The following BACH2 variants were observed in gnomAD, a reference collection of about 807,000 sequenced individuals.
BACH2 encodes the protein BACH transcriptional regulator 2, also known as transcription regulator protein BACH2.
Under a neutral mutation model 61.8 loss-of-function variants are expected in BACH2, and 5 were observed. That is an observed-to-expected ratio of 0.08 (90% CI 0.04 to 0.17). The LOEUF (loss-of-function observed/expected upper bound fraction) is 0.17, where lower values mean the gene tolerates loss of function less well. Ranked by LOEUF, BACH2 falls within the 10% of genes least tolerant of loss-of-function variation. The probability of loss-of-function intolerance (pLI) is 1.00; values close to 1 mark genes in which losing one functional copy is unlikely to be tolerated. For missense variants in BACH2, 824 were observed against 1,091.1 expected (o/e 0.76, Z 3.45); for synonymous variants, 446 against 440.1 (o/e 1.01, Z -0.17).
At chr6:89,998,516 GTGT>G (rs1194274897) in intron 6 of BACH2, among the ~76,000 whole-genome samples, 3 of 152,008 alleles carry the variant, frequency 2.0e-5, no homozygotes. Context: ...GAAACCAAAA[GTGT>G]TATTATTTAA....
chr6:90,022,301 C>T (rs1314607169), intron 5 of BACH2, among the ~76,000 whole-genome samples: 5 of 152,078 alleles, frequency 3.3e-5, no homozygotes, highest in African/African-American at 7.2e-5. Flanking sequence ...TAATCGACAT[C>T]GGTCAGGCGC....
At chr6:90,270,737 C>T (rs774626832) in intron 2 of BACH2, among the ~76,000 whole-genome samples, 13 of 152,040 alleles carry the variant, frequency 8.6e-5, no homozygotes, top group Non-Finnish European at 8.8e-5. Flanking sequence ...TCCTAAAATT[C>T]ACAAGGAACC....
intron 3 of BACH2, among the ~76,000 whole-genome samples, chr6:90,240,332 C>T (rs1360829172): frequency 6.6e-6 from 1 of 152,098 alleles, no homozygotes; most frequent in Non-Finnish European, 1.5e-5. Context: ...ATTCTAACAT[C>T]AGTGAAGAAT....
At chr6:89,972,860 G>C (rs1372645746) in intron 6 of BACH2, among the ~76,000 whole-genome samples, 2 of 152,212 alleles carry the variant, frequency 1.3e-5, no homozygotes, top group Non-Finnish European at 2.9e-5. Context: ...GCAGGGTGAG[G>C]TGGGCAGATC....
intron 5 of BACH2, among the ~76,000 whole-genome samples, chr6:90,025,884 G>A (rs1188801039): frequency 6.6e-6 from 1 of 152,156 alleles, no homozygotes; most frequent in Admixed American, 6.5e-5. Flanking sequence ...TGCAAAGTGC[G>A]CCATAAAGCA....
At chr6:90,152,463 T>C (rs146306351) in intron 4 of BACH2, among the ~76,000 whole-genome samples, 30 of 152,354 alleles carry the variant, frequency 2.0e-4, no homozygotes, top group African/African-American at 6.5e-4. Flanking sequence ...ATCAGACTAT[T>C]TTTCAGCCCC....
At chr6:90,103,498 G>A (rs1429217366) in intron 4 of BACH2, among the ~76,000 whole-genome samples, 2 of 152,188 alleles carry the variant, frequency 1.3e-5, no homozygotes, top group Non-Finnish European at 2.9e-5. Context: ...GGATTTGTGT[G>A]TAAATGAAGA....
chr6:90,296,191 A>G (rs1198511244), intron 1 of BACH2, among the ~76,000 whole-genome samples: 4 of 151,816 alleles, frequency 2.6e-5, no homozygotes, highest in Admixed American at 6.6e-5. Flanking sequence ...ACACCCTTCG[A>G]CGCCAGCAAA....
chr6:89,963,090 G>A lies in BACH2; in HGVS notation c.244-11228C>T, dbSNP rs571420652. 4.6e-5 allele frequency among the ~76,000 whole-genome samples: 7 copies of A among 152,238 alleles called. No individual in the cohort carries two copies. The South Asian group carries it at 1.0e-3, about 23-fold the overall frequency. On this transcript the variant is annotated intron_variant, in intron 6 of 8. Transcript: ENST00000257749. ...AAGTAGGCAAAGGACTTGAATAGAC[G>A]TTTCTCCAAAGACATACAAATAGCC...
chr6:90,138,834 A>C (rs1177624422), intron 4 of BACH2, among the ~76,000 whole-genome samples: 2 of 152,206 alleles, frequency 1.3e-5, no homozygotes, highest in Admixed American at 1.3e-4. Context: ...TAGTAAACTC[A>C]ATACCAAGAC....
At chr6:90,031,094 T>A (rs1469797990) in intron 5 of BACH2, among the ~76,000 whole-genome samples, 1 of 151,364 alleles carries the variant, frequency 6.6e-6, no homozygotes, top group South Asian at 2.1e-4. Flanking sequence ...ACAGAACCAA[T>A]GACAAAAACC....
At chr6:90,041,749 A>G (rs529127017) in intron 5 of BACH2, among the ~76,000 whole-genome samples, 1 of 152,028 alleles carries the variant, frequency 6.6e-6, no homozygotes, top group Non-Finnish European at 1.5e-5. Flanking sequence ...TATTTTTATT[A>G]TTTCCTCTAT....
intron 4 of BACH2, among the ~76,000 whole-genome samples, chr6:90,202,845 G>T (rs770164321): frequency 1.3e-5 from 2 of 152,144 alleles, no homozygotes; most frequent in African/African-American, 2.4e-5. Flanking sequence ...TGTTTTCTGT[G>T]AATGTACACA....
chr6:90,224,853 A>G (rs1206321347), intron 3 of BACH2, among the ~76,000 whole-genome samples: 1 of 152,210 alleles, frequency 6.6e-6, no homozygotes, highest in Non-Finnish European at 1.5e-5. Context: ...AGCCCAGGGC[A>G]GAAACCATTC....
intron 4 of BACH2, among the ~76,000 whole-genome samples, chr6:90,189,319 G>C (rs957713218): frequency 1.3e-5 from 2 of 152,120 alleles, no homozygotes; most frequent in Non-Finnish European, 2.9e-5. Flanking sequence ...CTTCAAGAGT[G>C]GGCTTCCGGC....
intron 4 of BACH2, among the ~76,000 whole-genome samples, chr6:90,134,800 G>A (rs904636016): frequency 6.6e-6 from 1 of 152,204 alleles, no homozygotes; most frequent in Non-Finnish European, 1.5e-5. Flanking sequence ...ATGTGCTTTG[G>A]TCAGGGCAGG....
chr6:90,074,021 GC>G (rs1287190851), intron 5 of BACH2, among the ~76,000 whole-genome samples: 3 of 152,174 alleles, frequency 2.0e-5, no homozygotes, highest in African/African-American at 7.2e-5. Context: ...AGAATACTGT[GC>G]TTTTTATAAA....
intron 5 of BACH2, among the ~76,000 whole-genome samples, chr6:90,038,769 T>A (rs1456139615): frequency 6.6e-6 from 1 of 152,150 alleles, no homozygotes; most frequent in Non-Finnish European, 1.5e-5. Context: ...CCGGGCATGG[T>A]GGCTCACACT....
intron 5 of BACH2, among the ~76,000 whole-genome samples, chr6:90,084,826 G>C (rs1781864191): frequency 6.6e-6 from 1 of 152,082 alleles, no homozygotes; most frequent in Non-Finnish European, 1.5e-5. Flanking sequence ...ATCTTAAGGA[G>C]ATAGTAGGAT....
Sources: gnomAD v4.1 joint callset for allele counts (sites outside exome capture counted in the v4.1 genomes callset) on GRCh38, gnomAD v4.1.1 for gene constraint, MANE v1.5 for transcripts, NCBI Gene and HGNC (gene_info 2026-07-23, HGNC 2026-07-21) for gene names.